The following DNAH11 variants were observed in gnomAD, a reference collection of about 807,000 sequenced individuals.
The protein encoded by DNAH11 is dynein axonemal heavy chain 11.
DNAH11 carries 442 observed loss-of-function variants against 526.0 expected under a neutral mutation model. The observed-to-expected ratio is 0.84, with a 90% CI of 0.78 to 0.91. The LOEUF is 0.91. Ranked by LOEUF, DNAH11 falls within the 40% of genes least tolerant of loss-of-function variation. DNAH11 has a pLI of 0.00. For missense variants in DNAH11, 6,989 were observed against 5,448.7 expected (o/e 1.28, Z -8.90); for synonymous variants, 2,461 against 1,935.9 (o/e 1.27, Z -7.12).
At chr7:21,710,803 C>G in intron 41 of DNAH11, 100 bp downstream of exon 41, 1 of 1,177,350 alleles carries the variant, frequency 8.5e-7, no homozygotes, top group Admixed American at 3.4e-5. Context: ...GCTCATTAAC[C>G]TGGGATTCTT....
chr7:21,797,491 T>G (rs1788772782), intron 61 of DNAH11, among the ~76,000 whole-genome samples: 1 of 151,938 alleles, frequency 6.6e-6, no homozygotes, highest in Non-Finnish European at 1.5e-5. Flanking sequence ...AATGCTGGGA[T>G]TAGAGGCTTG....
Position 21,682,550 on chromosome 7 carries a change from AT to A in DNAH11, c.5460+876del, listed in dbSNP as rs760609457. ...CAAAAAAAAAAAAAAAAAAAAAAAAATTTCTGTGTGTCTTTAAGTGTTGGCA... is the reference window on the plus strand; with the variant it reads ...CAAAAAAAAAAAAAAAAAAAAAAAAATTCTGTGTGTCTTTAAGTGTTGGCA... On this transcript the variant is annotated intron_variant, in intron 31 of 81. Transcript: ENST00000409508. Among the ~76,000 whole-genome samples, 170 of 142,854 alleles carry A rather than the reference AT, an allele frequency of 1.2e-3. 1 individual carries two copies. Among genetic ancestry groups the A allele is most frequent in the Middle Eastern group, 0.011 (3 of 266 alleles). The allele number at this position is 142,854 out of a possible 152,430, so 93.7% of individuals were successfully genotyped here. A position where few individuals can be genotyped will look rare whatever the true frequency, so the allele number is the denominator to read the frequency against.
chr7:21,772,684 C>T (rs1787490071), intron 55 of DNAH11, among the ~76,000 whole-genome samples: 1 of 152,116 alleles, frequency 6.6e-6, no homozygotes, highest in African/African-American at 2.4e-5. Context: ...TTTAGTAATA[C>T]ATTATTTCAG....
At chr7:21,738,565 C>T (rs1293939243) in intron 46 of DNAH11, 136 bp from the exon 47 acceptor site, 3 of 830,480 alleles carry the variant, frequency 3.6e-6, no homozygotes, top group East Asian at 2.8e-5. Context: ...TCCCGGGTCT[C>T]TTAACCTATG....
intron 28 of DNAH11, among the ~76,000 whole-genome samples, chr7:21,651,031 G>A (rs1202464851): frequency 1.3e-5 from 2 of 151,182 alleles, no homozygotes; most frequent in South Asian, 4.2e-4. Flanking sequence ...TAAAAATCAT[G>A]GACTCACTTT....
intron 75 of DNAH11, 65 bp downstream of exon 75, chr7:21,880,958 A>G (rs1226774858): frequency 7.2e-7 from 1 of 1,390,446 alleles, no homozygotes; most frequent in Non-Finnish European, 9.7e-7. Flanking sequence ...TTTGGGCACT[A>G]TCAAAATTGA....
chr7:21,555,342 C>T (rs1371325100), intron 2 of DNAH11, among the ~76,000 whole-genome samples: 1 of 152,182 alleles, frequency 6.6e-6, no homozygotes, highest in African/African-American at 2.4e-5. Context: ...TCATTCTTCC[C>T]AAAGGACTAT....
chr7:21,658,847 G>C lies in DNAH11; in HGVS notation c.5144G>C (p.Arg1715Pro), dbSNP rs763926220. The C allele has an allele frequency of 1.9e-6, 3 of 1,603,894 alleles. No homozygotes were observed. Among genetic ancestry groups the C allele is most frequent in the Non-Finnish European group, 2.6e-6 (3 of 1,175,416 alleles). The stretch of plus-strand genomic sequence containing the variant: ...GAACAGACTATGCAAGAAACGGTGC[G>C]TCATTCTATAACAGAAGCCATAGTG... ...QLEQTMQETV[R>P]HSITEAIVAY... The change falls in exon 30 of 82, where the codon CGT becomes CCT. Residue 1715 changes from arginine (R) to proline (P), a missense_variant. Transcript: ENST00000409508.
intron 28 of DNAH11, among the ~76,000 whole-genome samples, chr7:21,643,470 A>C (rs1369431191): frequency 2.0e-5 from 3 of 152,216 alleles, no homozygotes; most frequent in Non-Finnish European, 4.4e-5. Flanking sequence ...ATAGAGCTAT[A>C]CTAAAGAAAG....
chr7:21,666,756 A>ATT (rs200980636), intron 30 of DNAH11, among the ~76,000 whole-genome samples: 44 of 146,446 alleles, frequency 3.0e-4, no homozygotes, highest in African/African-American at 9.9e-4. Context: ...GGACACAAGT[A>ATT]TTTTTTTTTT....
In DNAH11 at chr7:21,837,209, C is replaced by G. The variant is rs143872540; in HGVS notation, c.10692-5335C>G. On this transcript the variant is annotated intron_variant, in intron 65 of 81. Transcript: ENST00000409508. ...AGATTCCTCGAAAAACTAAGAACTA[C>G]CGTATGATCCAGCAGTTCTACTATG... Among the ~76,000 whole-genome samples the G allele has an allele frequency of 2.0e-3, 304 of 152,052 alleles. 1 individual carries two copies. The highest frequency in any genetic ancestry group is 6.6e-3 in the African/African-American group (275 of 41,510).
chr7:21,635,244 C>T (rs1307031687), intron 25 of DNAH11, among the ~76,000 whole-genome samples: 1 of 152,152 alleles, frequency 6.6e-6, no homozygotes, highest in Admixed American at 6.5e-5. Context: ...GCAAGCTCCG[C>T]CTCCCGGGTT....
intron 14 of DNAH11, among the ~76,000 whole-genome samples, chr7:21,596,493 T>C (rs1333836858): frequency 1.3e-5 from 2 of 152,236 alleles, no homozygotes; most frequent in African/African-American, 4.8e-5. Flanking sequence ...TCTCTGACTT[T>C]TAAGACATCT....
At chr7:21,758,051 C>G (rs1030664716) in intron 54 of DNAH11, among the ~76,000 whole-genome samples, 2 of 152,206 alleles carry the variant, frequency 1.3e-5, no homozygotes, top group Non-Finnish European at 2.9e-5. Context: ...GAGAGGCACT[C>G]TTCACCCCTC....
At chr7:21,789,391 C>T (rs1788336512) in intron 61 of DNAH11, 49 bp downstream of exon 61, 2 of 1,329,430 alleles carry the variant, frequency 1.5e-6, no homozygotes, top group African/African-American at 2.9e-5. Context: ...GTGGTCGCTG[C>T]CTCCACCTTA....
intron 42 of DNAH11, among the ~76,000 whole-genome samples, chr7:21,715,204 T>C (rs1005484909): frequency 6.6e-6 from 1 of 152,166 alleles, no homozygotes; most frequent in African/African-American, 2.4e-5. Context: ...ATTCCTTCTA[T>C]CCTATACAAC....
intron 69 of DNAH11, among the ~76,000 whole-genome samples, chr7:21,863,076 A>G (rs1393104289): frequency 4.1e-5 from 6 of 147,868 alleles, no homozygotes; most frequent in Admixed American, 2.7e-4. Flanking sequence ...AAAAAAAAAA[A>G]AAAGAAAAAG....
Position 21,543,517 on chromosome 7 carries a change from G to C in DNAH11, c.272G>C (p.Gly91Ala). The part of the protein sequence containing the change: ...LESEDNRQVL[G>A]EFLESTSPAC... Reference sequence around the variant, plus strand: ...AGCGAGGACAACCGGCAGGTTCTTGGGGAGTTTCTGGAAAGCACCAGCCCG... The same window carrying C: ...AGCGAGGACAACCGGCAGGTTCTTGCGGAGTTTCTGGAAAGCACCAGCCCG... The change falls in exon 1 of 82, where the codon GGG (glycine) becomes GCG (alanine). Residue 91 changes from glycine to alanine, a missense_variant. Gly to Ala is a moderately conservative substitution (Grantham distance 60, BLOSUM62 0). Transcript: ENST00000409508. The C allele has an allele frequency of 1.2e-6, 2 of 1,609,656 alleles. No homozygotes were observed. Among genetic ancestry groups the C allele is most frequent in the Admixed American group, 1.7e-5 (1 of 59,520 alleles).
At chr7:21,701,400 C>G (rs1784052825) in intron 36 of DNAH11, among the ~76,000 whole-genome samples, 1 of 151,348 alleles carries the variant, frequency 6.6e-6, no homozygotes, top group Non-Finnish European at 1.5e-5. Context: ...AGCGATCTTT[C>G]CATCTCAGCC....
Sources: allele counts gnomAD v4.1 joint callset (sites outside exome capture counted in the v4.1 genomes callset), GRCh38; gene constraint gnomAD v4.1.1; transcripts MANE v1.5; gene names NCBI Gene and HGNC (gene_info 2026-07-23, HGNC 2026-07-21).